MOXD1: variants seen among roughly 807,000 people sequenced by gnomAD.
MOXD1 encodes the protein DBH-like monooxygenase protein 1.
A neutral mutation model predicts 66.6 loss-of-function variants in MOXD1; 62 were observed. The ratio of observed to expected loss-of-function variants is 0.93; its 90% CI spans 0.76 to 1.15. The LOEUF is 1.15. Among genes scored for constraint, MOXD1 ranks in the 50% most tolerant of loss-of-function variants. MOXD1 has a pLI of 0.00. For missense variants in MOXD1, 847 were observed against 754.6 expected (o/e 1.12, Z -1.44); for synonymous variants, 303 against 281.9 (o/e 1.07, Z -0.75).
intron 4 of MOXD1, among the ~76,000 whole-genome samples, chr6:132,349,739 G>A (rs886575783): frequency 5.9e-5 from 9 of 151,724 alleles, no homozygotes; most frequent in African/African-American, 1.9e-4. Flanking sequence ...ATTCCCACCA[G>A]CAGTGTAGAA....
At chr6:132,333,136 A>G (rs1440856180) in intron 4 of MOXD1, among the ~76,000 whole-genome samples, 1 of 152,060 alleles carries the variant, frequency 6.6e-6, no homozygotes, top group Non-Finnish European at 1.5e-5. Context: ...GGAGATCGAG[A>G]CCATCCTGGC....
Position 132,379,401 on chromosome 6 carries a change from T to C in MOXD1, c.265-4624A>G, listed in dbSNP as rs375615917. 3.2e-4 allele frequency among the ~76,000 whole-genome samples: 49 copies of C among 152,284 alleles called. No homozygotes were observed. In the South Asian group the frequency reaches 8.3e-3, roughly 26 times the overall value. ...TATAAAAAACCTACAGCTAACATAC[T>C]TAATGATAAAAGACTGAATTCTTCC... is the stretch of plus-strand genomic sequence containing the variant. On this transcript the variant is annotated intron_variant, in intron 1 of 11. Coordinates refer to ENST00000367963, the MANE Select transcript of MOXD1 (RefSeq NM_015529.4).
At chr6:132,313,642 G>A (rs981533563) in intron 10 of MOXD1, among the ~76,000 whole-genome samples, 4 of 152,154 alleles carry the variant, frequency 2.6e-5, no homozygotes, top group African/African-American at 9.7e-5. Flanking sequence ...GGCTAGGCAT[G>A]GTGGTTCATG....
chr6:132,375,253 G>A (rs894371303), intron 1 of MOXD1, among the ~76,000 whole-genome samples: 14 of 152,148 alleles, frequency 9.2e-5, no homozygotes, highest in African/African-American at 2.9e-4. Context: ...GGGCAAGTGC[G>A]GATTATAGGT....
chr6:132,371,914 A>G (rs559416703), intron 4 of MOXD1, among the ~76,000 whole-genome samples: 13 of 152,232 alleles, frequency 8.5e-5, no homozygotes, highest in African/African-American at 2.6e-4. Flanking sequence ...TGTCTCCCCA[A>G]TCTCACTGTA....
chr6:132,303,472 A>G (rs1774587786), intron 10 of MOXD1, among the ~76,000 whole-genome samples: 1 of 152,074 alleles, frequency 6.6e-6, no homozygotes, highest in Non-Finnish European at 1.5e-5. Flanking sequence ...TAACTTATGC[A>G]CATGCTCCTA....
chr6:132,369,269 G>A (rs1262413683), intron 4 of MOXD1, among the ~76,000 whole-genome samples: 1 of 152,056 alleles, frequency 6.6e-6, no homozygotes, highest in Non-Finnish European at 1.5e-5. Flanking sequence ...GCGGCACGTT[G>A]CTGTCAATCG....
At chr6:132,309,648 G>A (rs149243766) in intron 10 of MOXD1, among the ~76,000 whole-genome samples, 6 of 152,166 alleles carry the variant, frequency 3.9e-5, no homozygotes, top group Non-Finnish European at 7.4e-5. Context: ...AACTAAAACA[G>A]CATGATACTG....
At chr6:132,374,025 A>G (rs913813960) in intron 2 of MOXD1, among the ~76,000 whole-genome samples, 1 of 152,218 alleles carries the variant, frequency 6.6e-6, no homozygotes, top group Non-Finnish European at 1.5e-5. Flanking sequence ...TAAAAAGGTA[A>G]TCGTATTGGT....
chr6:132,321,563 GA>G (rs1443869612), intron 8 of MOXD1, among the ~76,000 whole-genome samples: 1 of 152,116 alleles, frequency 6.6e-6, no homozygotes, highest in African/African-American at 2.4e-5. Context: ...AAGGTAAGCA[GA>G]TGAAGCTATT....
At chr6:132,311,609 CCAA>C (rs1471539309) in intron 10 of MOXD1, among the ~76,000 whole-genome samples, 4 of 151,904 alleles carry the variant, frequency 2.6e-5, no homozygotes, top group East Asian at 3.9e-4. Flanking sequence ...TAAAACAACA[CCAA>C]CAACATTTAT....
At chr6:132,351,036 C>G (rs954996635) in intron 4 of MOXD1, among the ~76,000 whole-genome samples, 4 of 152,068 alleles carry the variant, frequency 2.6e-5, no homozygotes, top group Non-Finnish European at 4.4e-5. Flanking sequence ...GTTCTAGGAG[C>G]TTTCTGGAGT....
At chr6:132,301,233 C>A (rs935611528) in intron 10 of MOXD1, among the ~76,000 whole-genome samples, 4 of 149,506 alleles carry the variant, frequency 2.7e-5, no homozygotes, top group Non-Finnish European at 5.9e-5. Context: ...TTACTGTAGT[C>A]AATAAAAAAC....
intron 4 of MOXD1, among the ~76,000 whole-genome samples, chr6:132,345,243 A>T (rs1775647451): frequency 6.6e-6 from 1 of 152,252 alleles, no homozygotes; most frequent in Non-Finnish European, 1.5e-5. Context: ...AGCAGATAAC[A>T]TAGAAAAATA....
intron 10 of MOXD1, among the ~76,000 whole-genome samples, chr6:132,312,089 T>C (rs559636809): frequency 2.8e-4 from 42 of 152,152 alleles, no homozygotes; most frequent in African/African-American, 9.4e-4. Context: ...AAACTCATTA[T>C]CTATTTTGTT....
chr6:132,368,562 C>T (rs1055119906), intron 4 of MOXD1, among the ~76,000 whole-genome samples: 1 of 151,804 alleles, frequency 6.6e-6, no homozygotes, highest in Admixed American at 6.6e-5. Flanking sequence ...GTATTATAAT[C>T]CTATCTTTTC....
chr6:132,386,740 C>A (rs946285976), intron 1 of MOXD1, among the ~76,000 whole-genome samples: 2 of 151,430 alleles, frequency 1.3e-5, no homozygotes, highest in African/African-American at 4.8e-5. Context: ...AATGATCACA[C>A]AGTATTTAAT....
chr6:132,397,368 CATAGA>C (rs1776908950), intron 1 of MOXD1, among the ~76,000 whole-genome samples: 1 of 152,232 alleles, frequency 6.6e-6, no homozygotes, highest in South Asian at 2.1e-4. Context: ...CATTTCCTGG[CATAGA>C]ATAGAACTGG....
chr6:132,378,206 A>G lies in MOXD1; in HGVS notation c.265-3429T>C, dbSNP rs558028614. ...TGGAGGCAGATCTTCAGATTTGACT[A>G]TAATACACCTTAGCTATCCAAATAA... On this transcript the variant is annotated intron_variant, in intron 1 of 11. Transcript: ENST00000367963. Among the ~76,000 whole-genome samples, 11 of 152,294 alleles carry G rather than the reference A, an allele frequency of 7.2e-5. No individual in the cohort carries two copies. The South Asian group carries it at 2.3e-3, about 32-fold the overall frequency.
Sources: gnomAD v4.1 joint callset for allele counts (sites outside exome capture counted in the v4.1 genomes callset) on GRCh38, gnomAD v4.1.1 for gene constraint, MANE v1.5 for transcripts, NCBI Gene and HGNC (gene_info 2026-07-23, HGNC 2026-07-21) for gene names.